ATP8A2: variants seen among roughly 807,000 people sequenced by gnomAD.
ATP8A2 encodes the protein ATPase phospholipid transporting 8A2.
A neutral mutation model predicts 165.6 loss-of-function variants in ATP8A2; 100 were observed. The ratio of observed to expected loss-of-function variants is 0.60; its 90% CI spans 0.51 to 0.71. ATP8A2 has a LOEUF of 0.71. ATP8A2 is among the 30% of genes least tolerant of loss of function. The pLI is 0.00. For synonymous variants in ATP8A2, 543 were observed against 548.8 expected, an observed-to-expected ratio of 0.99 and a Z score of 0.15; for missense variants, 1,227 against 1,479.5, an observed-to-expected ratio of 0.83 and a Z score of 2.80.
intron 16 of ATP8A2, among the ~76,000 whole-genome samples, chr13:25,568,225 C>G (rs1464300711): frequency 6.6e-6 from 1 of 152,124 alleles, no homozygotes; most frequent in Non-Finnish European, 1.5e-5. Flanking sequence ...TTATGCAACC[C>G]CCTGCTTACA....
intron 33 of ATP8A2, among the ~76,000 whole-genome samples, chr13:25,892,224 G>A (rs550745431): frequency 3.2e-4 from 49 of 152,020 alleles, no homozygotes; most frequent in African/African-American, 9.9e-4. Flanking sequence ...TGATCCACCC[G>A]CCTCAGCCTC....
chr13:25,928,855 C>A (rs1231902891), intron 33 of ATP8A2, among the ~76,000 whole-genome samples: 1 of 152,202 alleles, frequency 6.6e-6, no homozygotes, highest in African/African-American at 2.4e-5. Flanking sequence ...AATACGAAAT[C>A]TGAAGTGCCC....
intron 27 of ATP8A2, among the ~76,000 whole-genome samples, chr13:25,796,391 G>A (rs1950498609): frequency 1.3e-5 from 2 of 152,224 alleles, no homozygotes; most frequent in African/African-American, 2.4e-5. Flanking sequence ...GAAGGCAGGT[G>A]TGTGTTGTTT....
At chr13:25,761,114 A>C (rs1486745160) in intron 25 of ATP8A2, among the ~76,000 whole-genome samples, 1 of 152,188 alleles carries the variant, frequency 6.6e-6, no homozygotes. Flanking sequence ...GTGTCACTGA[A>C]AGGAAAGGAC....
At chr13:25,844,090 G>GCCACT (rs1208939680) in intron 30 of ATP8A2, among the ~76,000 whole-genome samples, 9 of 152,158 alleles carry the variant, frequency 5.9e-5, no homozygotes, top group African/African-American at 2.2e-4. Context: ...TAGTGGGACT[G>GCCACT]GGGGTGGCAG....
intron 1 of ATP8A2, among the ~76,000 whole-genome samples, chr13:25,406,288 A>G (rs767240071): frequency 2.6e-5 from 4 of 152,224 alleles, no homozygotes; most frequent in African/African-American, 7.2e-5. Context: ...CTTACAGACT[A>G]TAGGGGACTG....
intron 27 of ATP8A2, among the ~76,000 whole-genome samples, chr13:25,819,576 T>C (rs543732237): frequency 1.3e-5 from 2 of 152,160 alleles, no homozygotes; most frequent in Non-Finnish European, 2.9e-5. Flanking sequence ...TATTTATAAA[T>C]TTAACATTTT....
intron 24 of ATP8A2, among the ~76,000 whole-genome samples, chr13:25,640,443 A>T (rs2041488009): frequency 6.6e-6 from 1 of 152,250 alleles, no homozygotes; most frequent in Non-Finnish European, 1.5e-5. Context: ...TCCCACAGAA[A>T]TACAAACTAC....
chr13:25,396,069 C>G (rs779382881), intron 1 of ATP8A2, among the ~76,000 whole-genome samples: 3 of 152,120 alleles, frequency 2.0e-5, no homozygotes, highest in Non-Finnish European at 4.4e-5. Context: ...GTCTTGATCT[C>G]CTGACCTCGT....
At chr13:25,393,017 T>A (rs897452121) in intron 1 of ATP8A2, among the ~76,000 whole-genome samples, 3 of 152,182 alleles carry the variant, frequency 2.0e-5, no homozygotes, top group African/African-American at 7.2e-5. Context: ...CTGGGACCCT[T>A]CATGGTTGAT....
At chr13:25,944,663 C>CAGA (rs1955160154) in intron 33 of ATP8A2, 1 of 151,862 alleles carries the variant, frequency 6.6e-6, no homozygotes. Flanking sequence ...AAGCCCAGGT[C>CAGA]AGAAACAGGT....
At position 25,393,489 on chromosome 13, in the gene ATP8A2, C is replaced by T. The variant is rs549926489; in HGVS notation, c.76+21201C>T. Among the ~76,000 whole-genome samples, 3 of 152,304 alleles carry T rather than the reference C, an allele frequency of 2.0e-5. No individual in the cohort carries two copies. In the South Asian group the frequency reaches 6.2e-4, roughly 32 times the overall value. On this transcript the variant is annotated intron_variant, in intron 1 of 36. Transcript: ENST00000381655. The stretch of plus-strand genomic sequence containing the variant: ...GGAGTGCAGTGGTGCAATCTCAGCT[C>T]ACTGCAACCTCTGCCTCCTGGGTTC...
At chr13:25,375,803 C>T (rs2032603457) in intron 1 of ATP8A2, among the ~76,000 whole-genome samples, 1 of 152,064 alleles carries the variant, frequency 6.6e-6, no homozygotes, top group Non-Finnish European at 1.5e-5. Context: ...GATCTCTTAA[C>T]CTCGTGATCC....
intron 34 of ATP8A2, among the ~76,000 whole-genome samples, chr13:25,962,758 C>T (rs79275403): frequency 2.2e-3 from 330 of 152,268 alleles, no homozygotes; most frequent in Non-Finnish European, 3.5e-3. Flanking sequence ...TTTAGCCCTC[C>T]GTTCCTCCCA....
At chr13:25,717,393 T>C (rs531020421) in intron 25 of ATP8A2, among the ~76,000 whole-genome samples, 1 of 145,248 alleles carries the variant, frequency 6.9e-6, no homozygotes, top group Admixed American at 6.9e-5. Flanking sequence ...TGTCCAGGCA[T>C]TATTCCATAT....
chr13:25,886,163 A>G (rs1416394625), intron 33 of ATP8A2, among the ~76,000 whole-genome samples: 2 of 152,232 alleles, frequency 1.3e-5, no homozygotes, highest in African/African-American at 2.4e-5. Context: ...CACGTCTTGG[A>G]TAAAGTATAT....
At chr13:25,991,814 C>T (rs1336780693) in intron 35 of ATP8A2, among the ~76,000 whole-genome samples, 1 of 151,688 alleles carries the variant, frequency 6.6e-6, no homozygotes, top group Non-Finnish European at 1.5e-5. Context: ...TGTTTACTGG[C>T]TTTTATGTCA....
At chr13:25,691,831 A>G (rs1157299639) in intron 24 of ATP8A2, among the ~76,000 whole-genome samples, 1 of 152,206 alleles carries the variant, frequency 6.6e-6, no homozygotes, top group African/African-American at 2.4e-5. Context: ...GCCTTATGTA[A>G]TTACTTCGGC....
At chr13:25,967,127 A>G (rs140297914) in intron 34 of ATP8A2, among the ~76,000 whole-genome samples, 1 of 152,342 alleles carries the variant, frequency 6.6e-6, no homozygotes, top group Non-Finnish European at 1.5e-5. Context: ...ATAATAATGA[A>G]CGGGGTACAT....
Sources: allele counts gnomAD v4.1 joint callset (sites outside exome capture counted in the v4.1 genomes callset), GRCh38; gene constraint gnomAD v4.1.1; transcripts MANE v1.5; gene names NCBI Gene and HGNC (gene_info 2026-07-23, HGNC 2026-07-21).